The following ADAMTSL1 variants were observed in gnomAD, a reference collection of about 807,000 sequenced individuals.
The protein encoded by ADAMTSL1 is ADAMTS like 1, also known as ADAMTS-like protein 1.
A neutral mutation model predicts 201.8 loss-of-function variants in ADAMTSL1; 126 were observed. The observed-to-expected ratio is 0.62, with a 90% confidence interval of 0.54 to 0.72. The LOEUF is 0.72. Among genes scored for constraint, ADAMTSL1 ranks in the 30% least tolerant of loss-of-function variants. The pLI is 0.00. For missense variants in ADAMTSL1, 2,679 were observed against 2,277.8 expected (o/e 1.18, Z -3.59); for synonymous variants, 1,121 against 903.4 (o/e 1.24, Z -4.32).
chr9:18,361,971 A>T (rs1160099289), intron 2 of ADAMTSL1: 3 of 152,166 alleles, frequency 2.0e-5, no homozygotes, highest in Admixed American at 2.0e-4. Context: ...GCCTAGAGGG[A>T]GCAGTTCTCT....
chr9:18,840,986 G>A (rs1825680074), intron 23 of ADAMTSL1, among the ~76,000 whole-genome samples: 1 of 146,956 alleles, frequency 6.8e-6, no homozygotes, highest in Non-Finnish European at 1.5e-5. Flanking sequence ...CTGCAAACAG[G>A]GACAATTTGA....
At chr9:18,502,534 C>G (rs1319432342) in intron 1 of ADAMTSL1, among the ~76,000 whole-genome samples, 3 of 152,154 alleles carry the variant, frequency 2.0e-5, no homozygotes, top group East Asian at 1.9e-4. Flanking sequence ...AGTCTTTTCT[C>G]TCTCATTGTT....
chr9:18,033,069 A>C (rs908317127), intron 1 of ADAMTSL1, among the ~76,000 whole-genome samples: 1 of 151,966 alleles, frequency 6.6e-6, no homozygotes, highest in African/African-American at 2.4e-5. Context: ...GTCCCTTCCC[A>C]ATCTTATTTT....
chr9:17,926,468 G>A (rs1483341875), intron 1 of ADAMTSL1, among the ~76,000 whole-genome samples: 3 of 152,134 alleles, frequency 2.0e-5, no homozygotes, highest in African/African-American at 4.8e-5. Flanking sequence ...CATGCTGACG[G>A]CAGCTCCATC....
chr9:17,962,297 T>C (rs1404531115), intron 1 of ADAMTSL1, among the ~76,000 whole-genome samples: 1 of 152,208 alleles, frequency 6.6e-6, no homozygotes, highest in African/African-American at 2.4e-5. Context: ...CCACTGACTA[T>C]GAATTGACTT....
At chr9:18,784,877 G>C (rs923456170) in intron 19 of ADAMTSL1, among the ~76,000 whole-genome samples, 2 of 152,102 alleles carry the variant, frequency 1.3e-5, no homozygotes, top group African/African-American at 4.8e-5. Flanking sequence ...AAAAGTAATC[G>C]AGCTGGGGTG....
At chr9:18,266,153 G>C (rs1486553350) in intron 2 of ADAMTSL1, among the ~76,000 whole-genome samples, 1 of 152,202 alleles carries the variant, frequency 6.6e-6, no homozygotes, top group African/African-American at 2.4e-5. Flanking sequence ...CGCCACTGCT[G>C]CTCCAATTAT....
chr9:18,111,800 G>T (rs949344953), intron 1 of ADAMTSL1, among the ~76,000 whole-genome samples: 2 of 152,152 alleles, frequency 1.3e-5, no homozygotes, highest in African/African-American at 2.4e-5. Context: ...CCCAAGAAAA[G>T]TCAACCACTG....
Position 18,295,113 on chromosome 9 carries a change from C to A in ADAMTSL1, c.207+131132C>A, listed in dbSNP as rs180890731. Reference sequence around the variant, plus strand: ...GCTTAATGTCCTTAGAAAGCATCAACCTGTATGCTGCACTATATAACATGG... The same window carrying A: ...GCTTAATGTCCTTAGAAAGCATCAAACTGTATGCTGCACTATATAACATGG... On this transcript the variant is annotated intron_variant, in intron 2 of 29. Transcript: ENST00000680146. 1.9e-4 allele frequency among the ~76,000 whole-genome samples: 29 copies of A among 152,198 alleles called. No homozygotes were observed. In the Middle Eastern group the frequency reaches 0.014, roughly 71 times the overall value.
chr9:18,101,570 C>T (rs1824524946), intron 1 of ADAMTSL1, among the ~76,000 whole-genome samples: 1 of 151,790 alleles, frequency 6.6e-6, no homozygotes, highest in African/African-American at 2.4e-5. Context: ...ACTTTTTTCC[C>T]CTGGTAGCAC....
intron 1 of ADAMTSL1, among the ~76,000 whole-genome samples, chr9:18,002,995 A>G (rs1175875932): frequency 1.3e-5 from 2 of 152,018 alleles, no homozygotes; most frequent in Non-Finnish European, 2.9e-5. Context: ...ATTGCTCATC[A>G]TCACATAACC....
At chr9:17,986,786 A>C (rs1588527606) in intron 1 of ADAMTSL1, among the ~76,000 whole-genome samples, 1 of 152,114 alleles carries the variant, frequency 6.6e-6, no homozygotes, top group Non-Finnish European at 1.5e-5. Context: ...GGCCTTAAAA[A>C]TTTTATTACA....
At chr9:18,347,174 T>TGAA (rs1835765982) in intron 2 of ADAMTSL1, among the ~76,000 whole-genome samples, 7 of 152,184 alleles carry the variant, frequency 4.6e-5, no homozygotes, top group Admixed American at 2.6e-4. Flanking sequence ...ATAAATGATA[T>TGAA]TGCTTTAGCT....
intron 1 of ADAMTSL1, among the ~76,000 whole-genome samples, chr9:18,023,881 T>TA (rs374825876): frequency 0.012 from 1,776 of 152,256 alleles, 25 homozygotes; most frequent in Non-Finnish European, 0.015. Flanking sequence ...TAACAATTGC[T>TA]AAAAAATCTC....
chr9:18,660,345 A>T (rs1006651110), intron 8 of ADAMTSL1, among the ~76,000 whole-genome samples: 1 of 152,196 alleles, frequency 6.6e-6, no homozygotes, highest in Non-Finnish European at 1.5e-5. Context: ...CTGGTTGGAC[A>T]TTTTGCTTAG....
At chr9:18,270,432 C>T (rs1466780955) in intron 2 of ADAMTSL1, among the ~76,000 whole-genome samples, 1 of 152,064 alleles carries the variant, frequency 6.6e-6, no homozygotes, top group Non-Finnish European at 1.5e-5. Flanking sequence ...TCTGCAAAGG[C>T]CAAATTATCT....
At chr9:18,068,660 C>T (rs1199905708) in intron 1 of ADAMTSL1, among the ~76,000 whole-genome samples, 1 of 152,108 alleles carries the variant, frequency 6.6e-6, no homozygotes, top group African/African-American at 2.4e-5. Flanking sequence ...ACTATGTGTC[C>T]CCCTGGATGC....
chr9:18,708,530 G>C (rs1315201362), intron 14 of ADAMTSL1, among the ~76,000 whole-genome samples: 1 of 152,198 alleles, frequency 6.6e-6, no homozygotes, highest in Non-Finnish European at 1.5e-5. Context: ...TAATGAGAGA[G>C]AAGTGTTAAA....
chr9:18,864,419 C>G (rs1310929916), intron 23 of ADAMTSL1, among the ~76,000 whole-genome samples: 1 of 152,214 alleles, frequency 6.6e-6, no homozygotes, highest in African/African-American at 2.4e-5. Context: ...CTGGCTTGAT[C>G]TATCCTACAA....
Sources: gnomAD v4.1 joint callset for allele counts (sites outside exome capture counted in the v4.1 genomes callset) on GRCh38, gnomAD v4.1.1 for gene constraint, MANE v1.5 for transcripts, NCBI Gene and HGNC (gene_info 2026-07-23, HGNC 2026-07-21) for gene names.